SLC23A1: variants seen among roughly 807,000 people sequenced by gnomAD.
The protein encoded by SLC23A1 is Na(+)/L-ascorbic acid transporter 1.
A neutral mutation model predicts 62.5 loss-of-function variants in SLC23A1; 31 were observed. The ratio of observed to expected loss-of-function variants is 0.50; its 90% CI spans 0.37 to 0.67. The LOEUF (loss-of-function observed/expected upper bound fraction) is 0.67, where lower values mean the gene tolerates loss of function less well. SLC23A1 is among the 30% of genes least tolerant of loss of function. The pLI is 0.00. For synonymous variants in SLC23A1, 271 were observed against 313.2 expected, an observed-to-expected ratio of 0.87 and a Z score of 1.42; for missense variants, 640 against 782.7, an observed-to-expected ratio of 0.82 and a Z score of 2.18.
chr5:139,380,649 G>A lies in SLC23A1; in HGVS notation c.398-17C>T. The A allele has an allele frequency of 1.3e-6, 2 of 1,594,130 alleles. No individual in the cohort carries two copies. Among genetic ancestry groups the A allele is most frequent in the Non-Finnish European group, 1.7e-6 (2 of 1,161,810 alleles). ...AGATCTCCTCTGGGGGTAGAGTCAGGGATACACACACGGACCAGGTACAGA... is the reference window on the plus strand; with the variant it reads ...AGATCTCCTCTGGGGGTAGAGTCAGAGATACACACACGGACCAGGTACAGA... On this transcript the variant is annotated splice_polypyrimidine_tract_variant and intron_variant, in intron 4 of 14. Transcript: ENST00000348729.
At position 139,378,074 on chromosome 5, in the gene SLC23A1, T is replaced by C. The variant is rs778434470; in HGVS notation, c.1354A>G (p.Met452Val). 3 of 1,614,218 alleles carry C rather than the reference T, an allele frequency of 1.9e-6. No homozygotes were observed. The highest frequency in any genetic ancestry group is 4.5e-5 in the East Asian group (2 of 44,888). The change falls in exon 12 of 15, where the codon ATG becomes GTG. Residue 452 changes from methionine to valine, a missense_variant. Met to Val is a conservative substitution (Grantham distance 21). Coordinates refer to ENST00000348729, the MANE Select transcript of SLC23A1 (RefSeq NM_005847.5). The surrounding 1 kb of genome is among the most constrained non-coding windows in gnomAD (Gnocchi z 4.5). ...ACGAAGAGGTTGCGAGAGGAGTTCA[T>C]GTCCACAAATTGCAGGTTGGACAGC... Reference protein sequence around the residue: ...VGLSNLQFVDMNSSRNLFVLG... With the variant: ...VGLSNLQFVDVNSSRNLFVLG...
At position 139,381,884 on chromosome 5, in the gene SLC23A1, C is replaced by T. The variant is rs533085278; in HGVS notation, c.308+8G>A. 33 of 1,550,138 alleles carry T rather than the reference C, an allele frequency of 2.1e-5. No individual in the cohort carries two copies. The South Asian group carries it at 3.0e-4, about 14-fold the overall frequency. Reference sequence around the variant, plus strand: ...GCGGGGGACGGGTTGGGGGGCTGGGCGGCTCACCGGATGCCCACGGTGGTC... The same window carrying T: ...GCGGGGGACGGGTTGGGGGGCTGGGTGGCTCACCGGATGCCCACGGTGGTC... On this transcript the variant is annotated splice_region_variant and intron_variant, in intron 3 of 14. Transcript: ENST00000348729.
In SLC23A1 at chr5:139,380,620, C is replaced by T. The variant is rs866803922; in HGVS notation, c.410G>A (p.Gly137Asp). The T allele has an allele frequency of 6.2e-7, 1 of 1,613,390 alleles. No homozygotes were observed. The highest frequency in any genetic ancestry group is 8.5e-7 in the Non-Finnish European group (1 of 1,179,320). Residue 137 changes from glycine (G) to aspartate (D), a missense_variant, in exon 5 of 15, where the codon GGT becomes GAT. Transcript: ENST00000348729. ...GGTGTTCAGGGGCAGACTCCAGTTACCGTAGATCTCCTCTGGGGGTAGAGT... is the reference window on the plus strand; with the variant it reads ...GGTGTTCAGGGGCAGACTCCAGTTATCGTAGATCTCCTCTGGGGGTAGAGT... ...WKCPPEEEIY[G>D]NWSLPLNTSH... is the part of the protein sequence containing the mutation.
At chr5:139,375,678 T>A (rs918298771) in intron 13 of SLC23A1, among the ~76,000 whole-genome samples, 1 of 152,044 alleles carries the variant, frequency 6.6e-6, no homozygotes, top group Middle Eastern at 3.4e-3. Flanking sequence ...CTACTAAAAA[T>A]ACAAAAATTA....
intron 14 of SLC23A1, among the ~76,000 whole-genome samples, chr5:139,371,163 T>C (rs1223850437): frequency 6.6e-6 from 1 of 152,220 alleles, no homozygotes; most frequent in Non-Finnish European, 1.5e-5. Context: ...AACCTTTCTG[T>C]ACCTTCCTTT....
Position 139,379,536 on chromosome 5 carries a change from C to A in SLC23A1, c.925+142G>T. 9.5e-7 allele frequency: 1 copy of A among 1,052,662 alleles called. No homozygotes were observed. The highest frequency in any genetic ancestry group is 1.4e-6 in the Non-Finnish European group (1 of 692,050). 65.2% of individuals were successfully genotyped at this position (1,052,662 alleles called of 1,614,324 possible). ...CCAGGAAGTGGGACTGAAGCTTTGT[C>A]TAAGTAAAACACCACTCTGCTGGGC... On this transcript the variant is annotated intron_variant, in intron 8 of 14. Transcript: ENST00000348729. The surrounding 1 kb of genome is among the most constrained non-coding windows in gnomAD (Gnocchi z 4.7).
chr5:139,379,549 C>A lies in SLC23A1; in HGVS notation c.925+129G>T. 1 of 1,094,358 alleles carries A rather than the reference C, an allele frequency of 9.1e-7. No individual in the cohort carries two copies. Among genetic ancestry groups the A allele is most frequent in the Non-Finnish European group, 1.4e-6 (1 of 729,652 alleles). The allele number at this position is 1,094,358 out of a possible 1,614,324, so 67.8% of individuals were successfully genotyped here. On this transcript the variant is annotated intron_variant, in intron 8 of 14. Coordinates refer to ENST00000348729, the MANE Select transcript of SLC23A1 (RefSeq NM_005847.5). The surrounding 1 kb of genome is among the most constrained non-coding windows in gnomAD (Gnocchi z 4.7). ...CTGAAGCTTTGTCTAAGTAAAACAC[C>A]ACTCTGCTGGGCGCACTATAAATGT... is the stretch of plus-strand genomic sequence containing the variant.
chr5:139,382,032 G>T lies in SLC23A1; in HGVS notation c.168C>A (p.Phe56Leu). The change falls in exon 3 of 15, where the codon TTC becomes TTA. Residue 56 changes from phenylalanine (F) to leucine (L), a missense_variant. Coordinates refer to ENST00000348729, the MANE Select transcript of SLC23A1 (RefSeq NM_005847.5). ...LLGFQHYLTC[F>L]SGTIAVPFLL... The stretch of plus-strand genomic sequence containing the variant: ...GGAAGGGCACGGCGATGGTACCACT[G>T]AAGCATGTCAGGTAGTGCTGGGCAG... 6.2e-7 allele frequency: 1 copy of T among 1,609,334 alleles called. No homozygotes were observed. Among genetic ancestry groups the T allele is most frequent in the Non-Finnish European group, 8.5e-7 (1 of 1,177,840 alleles).
intron 13 of SLC23A1, among the ~76,000 whole-genome samples, chr5:139,372,548 G>A (rs915425913): frequency 1.3e-5 from 2 of 152,106 alleles, no homozygotes; most frequent in African/African-American, 2.4e-5. Flanking sequence ...CCTGGGAGAT[G>A]TATAGACACC....
intron 14 of SLC23A1, among the ~76,000 whole-genome samples, chr5:139,370,648 C>T (rs551751568): frequency 5.9e-5 from 9 of 151,900 alleles, no homozygotes; most frequent in Non-Finnish European, 7.4e-5. Context: ...CCTACCACCA[C>T]GCCTGGCTAA....
At position 139,372,037 on chromosome 5, in the gene SLC23A1, G is replaced by T. The variant is rs773714572; in HGVS notation, c.1766C>A (p.Thr589Lys). 6 of 1,613,598 alleles carry T rather than the reference G, an allele frequency of 3.7e-6. No individual in the cohort carries two copies. The Admixed American group carries it at 5.0e-5, about 13-fold the overall frequency. ...IAIPEDTPEN[T>K]ETASVCTKV The stretch of plus-strand genomic sequence containing the variant: ...CTTGGTGCACACAGATGCAGTTTCT[G>T]TATTTTCTGGAGTGTCTTCTGGAAT... The change falls in exon 14 of 15, where the codon ACA becomes AAA. Residue 589 changes from threonine (T) to lysine (K), a missense_variant. By Grantham distance (78) the Thr-to-Lys change is moderately conservative. Coordinates refer to ENST00000348729, the MANE Select transcript of SLC23A1 (RefSeq NM_005847.5).
At chr5:139,383,851 C>A (rs1290915773), upstream of SLC23A1, among the ~76,000 whole-genome samples, 1 of 152,208 alleles carries the variant, frequency 6.6e-6, no homozygotes. Context: ...GAAACCAATC[C>A]TAAAATTCAG....
rs187605953 is a variant in SLC23A1, at chr5:139,380,363, G to T, written c.492C>A (p.Ser164Arg). ...REVQGAIMVS[S>R]VVEVVIGLLG... Reference sequence around the variant, plus strand: ...GCAGGCCAATCACCACCTCCACCACGCTGGACACCATGATTGCACCCTGGA... The same window carrying T: ...GCAGGCCAATCACCACCTCCACCACTCTGGACACCATGATTGCACCCTGGA... Residue 164 changes from serine (S) to arginine (R), a missense_variant, in exon 6 of 15, where the codon AGC becomes AGA. By Grantham distance (110) the Ser-to-Arg change is moderately radical. Coordinates refer to ENST00000348729, the MANE Select transcript of SLC23A1 (RefSeq NM_005847.5). 7 of 1,612,952 alleles carry T rather than the reference G, an allele frequency of 4.3e-6. No homozygotes were observed. The Admixed American group carries it at 1.0e-4, about 23-fold the overall frequency.
rs1300368580 is a variant in SLC23A1 at position 139,367,622 on chromosome 5, A to G, written c.*29T>C. 2 of 152,164 alleles carry G rather than the reference A, an allele frequency of 1.3e-5. No individual in the cohort carries two copies. Among genetic ancestry groups the G allele is most frequent in the Non-Finnish European group, 2.9e-5 (2 of 68,040 alleles). 9.4% of individuals were successfully genotyped at this position (152,164 alleles called of 1,614,324 possible). A position where few individuals can be genotyped will look rare whatever the true frequency, so the allele number is the denominator to read the frequency against. On this transcript the variant is annotated 3_prime_UTR_variant, in exon 15 of 15. Transcript: ENST00000348729. ...ATGTAGTTTTCTTTTCCTGTTATATACCATGCTTCCTGTGGGAATTAGAAG... is the reference window on the plus strand; with the variant it reads ...ATGTAGTTTTCTTTTCCTGTTATATGCCATGCTTCCTGTGGGAATTAGAAG...
chr5:139,383,470 T>G, upstream of SLC23A1: 4 of 759,764 alleles, frequency 5.3e-6, no homozygotes, highest in Non-Finnish European at 6.4e-6. Context: ...ACATGTGCCC[T>G]TCCCTGCCCA....
intron 14 of SLC23A1, chr5:139,369,859 A>C (rs1757543831): frequency 6.6e-6 from 1 of 152,164 alleles, no homozygotes; most frequent in Non-Finnish European, 1.5e-5. Flanking sequence ...GTATGTTGCC[A>C]TGCAAGTACC....
Position 139,378,002 on chromosome 5 carries a change from C to G in SLC23A1, c.1426G>C (p.Glu476Gln). The G allele has an allele frequency of 6.2e-7, 1 of 1,613,924 alleles. No homozygotes were observed. The highest frequency in any genetic ancestry group is 8.5e-7 in the Non-Finnish European group (1 of 1,179,948). ...FFGLTLPNYLESNPGAINTGI... is the reference protein window; with the variant it reads ...FFGLTLPNYLQSNPGAINTGI... ...GTATTGATGGCGCCAGGGTTGGACTCCAGGTAATTGGGCAGCGTGAGCCCG... is the reference window on the plus strand; with the variant it reads ...GTATTGATGGCGCCAGGGTTGGACTGCAGGTAATTGGGCAGCGTGAGCCCG... The change falls in exon 12 of 15, where the codon GAG becomes CAG. Residue 476 changes from glutamate to glutamine, a missense_variant. By Grantham distance (29) the Glu-to-Gln change is conservative. Coordinates refer to ENST00000348729, the MANE Select transcript of SLC23A1 (RefSeq NM_005847.5). This position sits in a 1 kb window ranked among gnomAD's most constrained non-coding sequence, Gnocchi z 4.5.
chr5:139,382,473 G>A lies in SLC23A1; in HGVS notation c.150+19C>T. ...GGGGAGTGTGCAGAGTGAGGGCGGG[G>A]AGGCCCTGGGGGACCCACCTGGAAG... is the stretch of plus-strand genomic sequence containing the variant. On this transcript the variant is annotated intron_variant, in intron 2 of 14. Coordinates refer to ENST00000348729, the MANE Select transcript of SLC23A1 (RefSeq NM_005847.5). The A allele has an allele frequency of 7.0e-7, 1 of 1,435,258 alleles. No homozygotes were observed. The highest frequency in any genetic ancestry group is 9.8e-7 in the Non-Finnish European group (1 of 1,017,528). The allele number at this position is 1,435,258 out of a possible 1,614,324, so 88.9% of individuals were successfully genotyped here. A position where few individuals can be genotyped will look rare whatever the true frequency, so the allele number is the denominator to read the frequency against.
intron 12 of SLC23A1, among the ~76,000 whole-genome samples, chr5:139,377,769 TTAAA>T (rs757228849): frequency 6.6e-6 from 1 of 152,158 alleles, no homozygotes; most frequent in African/African-American, 2.4e-5. Context: ...GTTTTGAAAA[TTAAA>T]TAAGCACATG....
Sources: gnomAD v4.1 joint callset for allele counts (sites outside exome capture counted in the v4.1 genomes callset) on GRCh38, gnomAD v4.1.1 for gene constraint, Gnocchi (gnomAD v3.1) non-coding constraint, MANE v1.5 for transcripts, NCBI Gene and HGNC (gene_info 2026-07-23, HGNC 2026-07-21) for gene names.